The following PIGG variants were observed in gnomAD, a reference collection of about 807,000 sequenced individuals.
PIGG encodes the protein GPI ethanolamine phosphate transferase 2, catalytic subunit.
In PIGG, 70 loss-of-function variants were observed where a neutral mutation model predicts 83.2. That is an observed-to-expected ratio of 0.84 (90% CI 0.69 to 1.03). PIGG has a LOEUF of 1.03. PIGG is among the 50% of genes least tolerant of loss of function. The probability of loss-of-function intolerance (pLI) is 0.00; values close to 1 mark genes in which losing one functional copy is unlikely to be tolerated. For synonymous variants in PIGG, 532 were observed against 519.5 expected, an observed-to-expected ratio of 1.02 and a Z score of -0.33; for missense variants, 1,257 against 1,233.6, an observed-to-expected ratio of 1.02 and a Z score of -0.28.
chr4:529,120 C>A (rs114903194), intron 10 of PIGG, among the ~76,000 whole-genome samples: 1 of 152,260 alleles, frequency 6.6e-6, no homozygotes, highest in Non-Finnish European at 1.5e-5. Flanking sequence ...AGACTCTGCC[C>A]GGCCAGGGGA....
chr4:521,789 G>A lies in PIGG; in HGVS notation c.1462G>A (p.Val488Ile), dbSNP rs780904126. 10 of 1,614,196 alleles carry A rather than the reference G, an allele frequency of 6.2e-6. No individual in the cohort carries two copies. Among genetic ancestry groups the A allele is most frequent in the Middle Eastern group, 1.6e-4 (1 of 6,062 alleles). The change falls in exon 8 of 13, where the codon GTC (valine) becomes ATC (isoleucine). Residue 488 changes from valine (V) to isoleucine (I), a missense_variant. Physicochemically the swap from Val to Ile is conservative, Grantham distance 29 (BLOSUM62 3). Transcript: ENST00000453061. ...LVILVLSAVH[V>I]IVCTSAESSC... ...GATCCTGGTTCTTTCGGCCGTTCAC[G>A]TCATTGTGTGCACCTCAGCTGAAAG...
chr4:508,000 CTG>C (rs1410118861), intron 4 of PIGG, among the ~76,000 whole-genome samples: 1 of 151,676 alleles, frequency 6.6e-6, no homozygotes, highest in African/African-American at 2.4e-5. Flanking sequence ...CTCTGTGCCA[CTG>C]TCTCTGTTCT....
rs782146226 is a variant in PIGG, at chr4:507,434, T to C, written c.600T>C (p.Asp200=). Residue 200 remains aspartate (D), a synonymous_variant, in exon 4 of 13, where the codon GAT becomes GAC. Transcript: ENST00000453061. Reference sequence around the variant, plus strand: ...ATAATAATGTCACGAGGCATTTGGATAAAGTATTAAAAAGAGGAGATTGGG... The same window carrying C: ...ATAATAATGTCACGAGGCATTTGGACAAAGTATTAAAAAGAGGAGATTGGG... ...EVDNNVTRHL[D]KVLKRGDWDI... 2 of 1,613,336 alleles carry C rather than the reference T, an allele frequency of 1.2e-6. No homozygotes were observed. The highest frequency in any genetic ancestry group is 2.2e-5 in the South Asian group (2 of 91,008).
chr4:528,638 G>T lies in PIGG; in HGVS notation c.2261+1408G>T, dbSNP rs1027123061. The T allele has an allele frequency of 1.0e-6, 1 of 985,202 alleles. No homozygotes were observed. Among genetic ancestry groups the T allele is most frequent in the African/African-American group, 1.7e-5 (1 of 57,222 alleles). 61.0% of individuals were successfully genotyped at this position (985,202 alleles called of 1,614,324 possible). A position where few individuals can be genotyped will look rare whatever the true frequency, so the allele number is the denominator to read the frequency against. On this transcript the variant is annotated intron_variant, in intron 10 of 12. Transcript: ENST00000453061. The surrounding 1 kb of genome is among the most constrained non-coding windows in gnomAD (Gnocchi z 4.8). ...AAAGGCTGTTGACTTTGGAATCTGA[G>T]ACTTAGGGCTCATCCAAATGGATGT...
At chr4:530,826 C>T (rs1728873836) in intron 11 of PIGG, 81 bp downstream of exon 11, 1 of 998,412 alleles carries the variant, frequency 1.0e-6, no homozygotes, top group Non-Finnish European at 1.5e-6. Context: ...AAAATGTTCC[C>T]ATAAGTTGGA....
intron 10 of PIGG, chr4:527,771 TTTTC>T (rs1728061294): frequency 1.5e-5 from 15 of 985,340 alleles, no homozygotes; most frequent in Admixed American, 6.1e-5. Flanking sequence ...GACCATTTTA[TTTTC>T]TTTGTGTCAA....
intron 6 of PIGG, among the ~76,000 whole-genome samples, chr4:520,805 G>A (rs796343891): frequency 4.9e-4 from 74 of 152,342 alleles, no homozygotes; most frequent in African/African-American, 1.7e-3. Context: ...ACTGCCATCC[G>A]CGGGTGTATG....
intron 5 of PIGG, among the ~76,000 whole-genome samples, chr4:509,801 C>T (rs1721264233): frequency 6.6e-6 from 1 of 152,226 alleles, no homozygotes; most frequent in African/African-American, 2.4e-5. Flanking sequence ...TCATCTGCCT[C>T]TGTGGTTGTA....
chr4:499,683 C>A, intron 1 of PIGG, 194 bp downstream of exon 1: 2 of 1,404,698 alleles, frequency 1.4e-6, no homozygotes, highest in Non-Finnish European at 1.8e-6. Context: ...TGGCAACCAC[C>A]TCTACTGGCC....
At chr4:536,598 C>G (rs1453086016) in intron 12 of PIGG, 1 of 152,282 alleles carries the variant, frequency 6.6e-6, no homozygotes. Context: ...CCGCCTGTCT[C>G]AGCAGCTGCC....
intron 5 of PIGG, among the ~76,000 whole-genome samples, chr4:510,872 A>C (rs1721654610): frequency 6.6e-6 from 1 of 151,004 alleles, no homozygotes; most frequent in South Asian, 2.1e-4. Flanking sequence ...CTAGGTAATC[A>C]GCGTCATTGT....
chr4:534,297 C>T (rs542715850), intron 12 of PIGG, among the ~76,000 whole-genome samples: 3 of 152,304 alleles, frequency 2.0e-5, no homozygotes, highest in South Asian at 2.1e-4. Flanking sequence ...TTCCTTTTCC[C>T]GCCACTCCAG....
chr4:522,034 T>A (rs970990732), intron 8 of PIGG, 93 bp downstream of exon 8: 5 of 1,372,826 alleles, frequency 3.6e-6, no homozygotes, highest in Non-Finnish European at 5.1e-6. Context: ...CAGACTCTGG[T>A]TGAACACCTG....
chr4:509,471 C>T (rs1332261662), intron 5 of PIGG, among the ~76,000 whole-genome samples: 6 of 152,218 alleles, frequency 3.9e-5, no homozygotes, highest in African/African-American at 1.4e-4. Flanking sequence ...AGCCTATGCA[C>T]TCTGCCCTCG....
At chr4:531,814 A>T (rs1427652716) in intron 11 of PIGG, 1 of 152,520 alleles carries the variant, frequency 6.6e-6, no homozygotes, top group African/African-American at 2.4e-5. Context: ...TCTCCCTGCC[A>T]TGTCCACGCA....
chr4:509,057 G>A, intron 5 of PIGG, 87 bp downstream of exon 5: 1 of 1,175,330 alleles, frequency 8.5e-7, no homozygotes. Context: ...CTATTTTTTA[G>A]AAGCTCCATA....
intron 5 of PIGG, among the ~76,000 whole-genome samples, chr4:511,391 G>A (rs1194832670): frequency 4.6e-5 from 7 of 151,966 alleles, no homozygotes; most frequent in African/African-American, 1.7e-4. Flanking sequence ...CCATTCTTGA[G>A]CTGATGGACA....
rs1727824981 is a variant in PIGG at position 527,029 on chromosome 4, C to T, written c.2070-10C>T. 2 of 1,614,124 alleles carry T rather than the reference C, an allele frequency of 1.2e-6. No homozygotes were observed. Among genetic ancestry groups the T allele is most frequent in the Non-Finnish European group, 8.5e-7 (1 of 1,179,998 alleles). On this transcript the variant is annotated splice_polypyrimidine_tract_variant and intron_variant, in intron 9 of 12. Transcript: ENST00000453061. ...TTTACGTAATGCTGGCATTTTCCAT[C>T]TCATTTCAGCTCTGACCACAAAGCC...
intron 5 of PIGG, among the ~76,000 whole-genome samples, chr4:510,404 A>G (rs530929240): frequency 6.6e-6 from 1 of 152,350 alleles, no homozygotes; most frequent in East Asian, 1.9e-4. Flanking sequence ...TGGGCGGGCC[A>G]GGTGTTCCTT....
Sources: gnomAD v4.1 joint callset for allele counts (sites outside exome capture counted in the v4.1 genomes callset) on GRCh38, gnomAD v4.1.1 for gene constraint, Gnocchi (gnomAD v3.1) non-coding constraint, MANE v1.5 for transcripts, NCBI Gene and HGNC (gene_info 2026-07-23, HGNC 2026-07-21) for gene names.